AGPAT4: variants seen among roughly 807,000 people sequenced by gnomAD.
AGPAT4 encodes 1-acylglycerol-3-phosphate O-acyltransferase 4, also known as 1-acyl-sn-glycerol-3-phosphate acyltransferase delta.
In AGPAT4, 15 loss-of-function variants were observed where a neutral mutation model predicts 48.0. The observed-to-expected ratio is 0.31, with a 90% CI of 0.21 to 0.48. The LOEUF (loss-of-function observed/expected upper bound fraction) is 0.48, where lower values mean the gene tolerates loss of function less well. Among genes scored for constraint, AGPAT4 ranks in the 20% least tolerant of loss-of-function variants. The probability of loss-of-function intolerance (pLI) is 0.99; values close to 1 mark genes in which losing one functional copy is unlikely to be tolerated. For missense variants in AGPAT4, 314 were observed against 482.5 expected (o/e 0.65, Z 3.27); for synonymous variants, 178 against 198.7 (o/e 0.90, Z 0.88).
rs1377843851 is a variant in AGPAT4 at position 161,244,170 on chromosome 6, A to G, written c.-89-11868T>C. Reference sequence around the variant, plus strand: ...TGTTTTCCTGATCTCAAACAGACATACAGCGAGGAGCTGACGACACAATTC... The same window carrying G: ...TGTTTTCCTGATCTCAAACAGACATGCAGCGAGGAGCTGACGACACAATTC... On this transcript the variant is annotated intron_variant, in intron 1 of 8. Transcript: ENST00000320285. The surrounding 1 kb of genome is among the most constrained non-coding windows in gnomAD (Gnocchi z 4.7). 1.3e-5 allele frequency among the ~76,000 whole-genome samples: 2 copies of G among 152,202 alleles called. No homozygotes were observed.
In AGPAT4 at chr6:161,195,714, T is replaced by G. The variant is rs1206934943; in HGVS notation, c.179-29297A>C. Among the ~76,000 whole-genome samples the G allele has an allele frequency of 6.6e-6, 1 of 152,200 alleles. No individual in the cohort carries two copies. The highest frequency in any genetic ancestry group is 2.4e-5 in the African/African-American group (1 of 41,442). On this transcript the variant is annotated intron_variant, in intron 2 of 8. Coordinates refer to ENST00000320285, the MANE Select transcript of AGPAT4 (RefSeq NM_020133.3). The surrounding 1 kb of genome is among the most constrained non-coding windows in gnomAD (Gnocchi z 5.0). ...GGAAAGAACTCTAAGAAGGCCACCC[T>G]CTGTCTCTCAGATCCAAAACTACAC...
At chr6:161,194,441 TG>T (rs1781005339) in intron 2 of AGPAT4, among the ~76,000 whole-genome samples, 4 of 136,298 alleles carry the variant, frequency 2.9e-5, no homozygotes, top group African/African-American at 1.3e-4. Context: ...TGTGTGTGTG[TG>T]TTTGTGTGTG....
Position 161,196,402 on chromosome 6 carries a change from G to T in AGPAT4, c.179-29985C>A, listed in dbSNP as rs1031713856. Among the ~76,000 whole-genome samples the T allele has an allele frequency of 2.0e-5, 3 of 152,180 alleles. No homozygotes were observed. The highest frequency in any genetic ancestry group is 7.2e-5 in the African/African-American group (3 of 41,462). ...TAGTGCCTGGGTTGGGGATGATTAA[G>T]TCAGTGAGGGGTAGGACTGTGGTCC... On this transcript the variant is annotated intron_variant, in intron 2 of 8. Transcript: ENST00000320285. This position sits in a 1 kb window ranked among gnomAD's most constrained non-coding sequence, Gnocchi z 4.3.
Position 161,166,415 on chromosome 6 carries a change from G to A in AGPAT4, c.181C>T (p.Leu61=), listed in dbSNP as rs116545375. The change falls in exon 3 of 9, where the codon CTG becomes TTG. Residue 61 remains leucine, a splice_region_variant and synonymous_variant. Transcript: ENST00000320285. This position sits in a 1 kb window ranked among gnomAD's most constrained non-coding sequence, Gnocchi z 6.7. ...GACCACCACTCCAGCAGCATCACCA[G>A]CTCTGGAACAAACCACAACAGACAG... is the stretch of plus-strand genomic sequence containing the variant. ...CRLSYCISSQ[L]VMLLEWWSGT... 1.5e-4 allele frequency: 244 copies of A among 1,603,420 alleles called. No homozygotes were observed. In the African/African-American group the frequency reaches 3.0e-3, roughly 20 times the overall value.
chr6:161,193,195 T>C (rs1172224875), intron 2 of AGPAT4, among the ~76,000 whole-genome samples: 2 of 152,220 alleles, frequency 1.3e-5, no homozygotes, highest in Admixed American at 6.5e-5. Context: ...TTTTTTCATG[T>C]CTGTATCTCT....
intron 2 of AGPAT4, among the ~76,000 whole-genome samples, chr6:161,167,483 T>C (rs1012720078): frequency 6.6e-6 from 1 of 152,150 alleles, no homozygotes; most frequent in Non-Finnish European, 1.5e-5. Flanking sequence ...CTCAGCCTCC[T>C]AAAGTGCTGG....
In AGPAT4 at chr6:161,136,491, A is replaced by C; in HGVS notation, c.*49T>G. 6.5e-7 allele frequency: 1 copy of C among 1,548,820 alleles called. No homozygotes were observed. Among genetic ancestry groups the C allele is most frequent in the African/African-American group, 1.4e-5 (1 of 73,806 alleles). ...GTGTCCCACTAAGGAGGATATGCAG[A>C]GGCCACCAGTTCCCCAAGGTTCCCT... On this transcript the variant is annotated 3_prime_UTR_variant, in exon 9 of 9. Transcript: ENST00000320285.
At chr6:161,152,450 C>T (rs916457551) in intron 5 of AGPAT4, among the ~76,000 whole-genome samples, 6 of 152,170 alleles carry the variant, frequency 3.9e-5, no homozygotes, top group African/African-American at 1.2e-4. Context: ...CCGCTAAAGC[C>T]GGTGGGTCAC....
rs1562343446 is a variant in AGPAT4, at chr6:161,219,824, G to GATAGATAGAT, written c.178+12211_178+12212insATCTATCTAT. 3.2e-4 allele frequency among the ~76,000 whole-genome samples: 29 copies of GATAGATAGAT among 89,524 alleles called. No homozygotes were observed. The highest frequency in any genetic ancestry group is 4.1e-4 in the Non-Finnish European group (18 of 43,380). The allele number at this position is 89,524 out of a possible 152,430, so 58.7% of individuals were successfully genotyped here. A position where few individuals can be genotyped will look rare whatever the true frequency, so the allele number is the denominator to read the frequency against. On this transcript the variant is annotated intron_variant, in intron 2 of 8. Transcript: ENST00000320285. The surrounding 1 kb of genome is among the most constrained non-coding windows in gnomAD (Gnocchi z 4.9). ...AGATTCACAGTAAAAAAGATAGACAGAGATAGATAGATAGATAGATAGATA... is the reference window on the plus strand; with the variant it reads ...AGATTCACAGTAAAAAAGATAGACAGATAGATAGATAGATAGATAGATAGATAGATAGATA...
At position 161,202,041 on chromosome 6, in the gene AGPAT4, G is replaced by A. The variant is rs919609348; in HGVS notation, c.178+29995C>T. Among the ~76,000 whole-genome samples the A allele has an allele frequency of 3.9e-5, 6 of 152,160 alleles. No homozygotes were observed. The highest frequency in any genetic ancestry group is 7.3e-5 in the Non-Finnish European group (5 of 68,038). ...GGAAGTCTACCTGACCCGGGAACCT[G>A]GACAAGGTGGCTCTCATATATACAC... On this transcript the variant is annotated intron_variant, in intron 2 of 8. Coordinates refer to ENST00000320285, the MANE Select transcript of AGPAT4 (RefSeq NM_020133.3). The surrounding 1 kb of genome is among the most constrained non-coding windows in gnomAD (Gnocchi z 5.4).
intron 2 of AGPAT4, among the ~76,000 whole-genome samples, chr6:161,191,005 C>A (rs1203940340): frequency 6.6e-6 from 1 of 152,202 alleles, no homozygotes; most frequent in African/African-American, 2.4e-5. Flanking sequence ...CCATGCTAAT[C>A]TTGGTTCAAA....
At position 161,169,152 on chromosome 6, in the gene AGPAT4, T is replaced by C. The variant is rs11751856; in HGVS notation, c.179-2735A>G. On this transcript the variant is annotated intron_variant, in intron 2 of 8. Transcript: ENST00000320285. This position sits in a 1 kb window ranked among gnomAD's most constrained non-coding sequence, Gnocchi z 5.0. ...CCCAGAGAGAGAACATCACAGAGAC[T>C]TCTGGGTTACCAGAGTAAGGAGTTA... 0.047 allele frequency among the ~76,000 whole-genome samples: 7,120 copies of C among 152,220 alleles called. 198 individuals carry two copies. Among genetic ancestry groups the C allele is most frequent in the Middle Eastern group, 0.11 (33 of 294 alleles).
chr6:161,207,145 CTT>C (rs1340729703), intron 2 of AGPAT4, among the ~76,000 whole-genome samples: 1 of 152,200 alleles, frequency 6.6e-6, no homozygotes, highest in Non-Finnish European at 1.5e-5. Context: ...TGTTATCTCT[CTT>C]TTGCAAAGAA....
At position 161,201,883 on chromosome 6, in the gene AGPAT4, A is replaced by C. The variant is rs1247195718; in HGVS notation, c.178+30153T>G. ...CACCCGTAATTCTTTTCCCATTTCCAGTGTTCTTGGATATGCCAATGTTCA... is the reference window on the plus strand; with the variant it reads ...CACCCGTAATTCTTTTCCCATTTCCCGTGTTCTTGGATATGCCAATGTTCA... On this transcript the variant is annotated intron_variant, in intron 2 of 8. Transcript: ENST00000320285. This position sits in a 1 kb window ranked among gnomAD's most constrained non-coding sequence, Gnocchi z 6.0. Among the ~76,000 whole-genome samples, 1 of 152,162 alleles carries C rather than the reference A, an allele frequency of 6.6e-6. No homozygotes were observed. The highest frequency in any genetic ancestry group is 2.4e-5 in the African/African-American group (1 of 41,442).
chr6:161,211,267 T>C (rs1042321387), intron 2 of AGPAT4, among the ~76,000 whole-genome samples: 2 of 152,162 alleles, frequency 1.3e-5, no homozygotes, highest in Non-Finnish European at 1.5e-5. Context: ...AATTAAATAA[T>C]AGATATTTCA....
Position 161,232,341 on chromosome 6 carries a change from G to A in AGPAT4, c.-89-39C>T. ...AAATAGGAAATGTTAGCAAAAACAC[G>A]ATGTGCTTTTAGAGTCAGAAAAAAA... On this transcript the variant is annotated intron_variant, in intron 1 of 8. Transcript: ENST00000320285. The surrounding 1 kb of genome is among the most constrained non-coding windows in gnomAD (Gnocchi z 6.8). 5.3e-6 allele frequency: 5 copies of A among 941,202 alleles called. No homozygotes were observed. Among genetic ancestry groups the A allele is most frequent in the South Asian group, 1.9e-5 (1 of 52,922 alleles). 58.3% of individuals were successfully genotyped at this position (941,202 alleles called of 1,614,324 possible). A position where few individuals can be genotyped will look rare whatever the true frequency, so the allele number is the denominator to read the frequency against.
Position 161,238,573 on chromosome 6 carries a change from A to C in AGPAT4, c.-89-6271T>G, listed in dbSNP as rs899023403. 2.0e-5 allele frequency among the ~76,000 whole-genome samples: 3 copies of C among 152,216 alleles called. No homozygotes were observed. Among genetic ancestry groups the C allele is most frequent in the African/African-American group, 7.2e-5 (3 of 41,450 alleles). On this transcript the variant is annotated intron_variant, in intron 1 of 8. Transcript: ENST00000320285. The surrounding 1 kb of genome is among the most constrained non-coding windows in gnomAD (Gnocchi z 5.2). ...TGCTAGTGACTCAGAAATGGGAAAT[A>C]ATGCAGTCACAAGCACTCACGTGTA...
At position 161,215,722 on chromosome 6, in the gene AGPAT4, A is replaced by G. The variant is rs528833868; in HGVS notation, c.178+16314T>C. Among the ~76,000 whole-genome samples the G allele has an allele frequency of 0.038, 5,782 of 151,138 alleles. 334 individuals are homozygous for G. The highest frequency in any genetic ancestry group is 0.13 in the African/African-American group (5,286 of 41,260). On this transcript the variant is annotated intron_variant, in intron 2 of 8. Transcript: ENST00000320285. The surrounding 1 kb of genome is among the most constrained non-coding windows in gnomAD (Gnocchi z 4.5). ...TCCCTTACCATAAAAAAAAAAAAAAAGAAAACACAAAAACACAAGATCCAA... is the reference window on the plus strand; with the variant it reads ...TCCCTTACCATAAAAAAAAAAAAAAGGAAAACACAAAAACACAAGATCCAA...
Position 161,178,598 on chromosome 6 carries a change from C to A in AGPAT4, c.179-12181G>T, listed in dbSNP as rs1780494540. ...ACTTCCCGGGTGAGGCGATGCCCCACCCTGCTTCAGCTCACACTCGCGTGG... is the reference window on the plus strand; with the variant it reads ...ACTTCCCGGGTGAGGCGATGCCCCAACCTGCTTCAGCTCACACTCGCGTGG... On this transcript the variant is annotated intron_variant, in intron 2 of 8. Coordinates refer to ENST00000320285, the MANE Select transcript of AGPAT4 (RefSeq NM_020133.3). This position sits in a 1 kb window ranked among gnomAD's most constrained non-coding sequence, Gnocchi z 5.1. Among the ~76,000 whole-genome samples the A allele has an allele frequency of 6.6e-6, 1 of 152,196 alleles. No homozygotes were observed. Among genetic ancestry groups the A allele is most frequent in the Non-Finnish European group, 1.5e-5 (1 of 68,034 alleles).
Sources: gnomAD v4.1 joint callset for allele counts (sites outside exome capture counted in the v4.1 genomes callset) on GRCh38, gnomAD v4.1.1 for gene constraint, Gnocchi (gnomAD v3.1) non-coding constraint, MANE v1.5 for transcripts, NCBI Gene and HGNC (gene_info 2026-07-23, HGNC 2026-07-21) for gene names.